SPINT4: variants seen among roughly 807,000 people sequenced by gnomAD.
The protein encoded by SPINT4 is kunitz-type protease inhibitor 4.
Under a neutral mutation model 9.4 loss-of-function variants are expected in SPINT4, and 7 were observed. The observed-to-expected ratio is 0.74, with a 90% CI of 0.42 to 1.40. SPINT4 has a LOEUF of 1.40. Among genes scored for constraint, SPINT4 ranks in the 40% most tolerant of loss-of-function variants. SPINT4 has a pLI of 0.01. For synonymous variants in SPINT4, 36 were observed against 39.9 expected (o/e 0.90, Z 0.37); for missense variants, 105 against 114.4 (o/e 0.92, Z 0.37).
At chr20:45,724,357 G>A (rs1037475711) in intron 2 of SPINT4, among the ~76,000 whole-genome samples, 85 of 151,478 alleles carry the variant, frequency 5.6e-4, no homozygotes, top group Admixed American at 1.4e-3. Flanking sequence ...GCATAGTGTC[G>A]CATGCCTGTA....
In SPINT4 at chr20:45,722,426, C is replaced by G. The variant is rs537909021; in HGVS notation, c.59C>G (p.Thr20Ser). 1 of 1,613,752 alleles carries G rather than the reference C, an allele frequency of 6.2e-7. No homozygotes were observed. Among genetic ancestry groups the G allele is most frequent in the African/African-American group, 1.3e-5 (1 of 75,020 alleles). Residue 20 changes from threonine to serine, a missense_variant, in exon 1 of 3, where the codon ACC becomes AGC. By Grantham distance (58) the Thr-to-Ser change is moderately conservative. Transcript: ENST00000279058. ...TTCTTCATCTTCTGCTCATTGAATA[C>G]CCTGTTATTGGGTGGTGTTAATAAA... ...LRFFIFCSLN[T>S]LLLGGVNKIA...
chr20:45,722,652 G>A (rs918928030), intron 1 of SPINT4, among the ~76,000 whole-genome samples, 170 bp downstream of exon 1: 3 of 151,992 alleles, frequency 2.0e-5, no homozygotes, highest in African/African-American at 7.2e-5. Flanking sequence ...GGGGTCCTCT[G>A]GATGTTTGAT....
At chr20:45,723,825 TCTC>T in intron 1 of SPINT4, 52 bp from the exon 2 acceptor site, 2 of 1,434,974 alleles carry the variant, frequency 1.4e-6, no homozygotes, top group Non-Finnish European at 1.9e-6. Flanking sequence ...AAAGACAAGT[TCTC>T]CTGCTGAGTC....
intron 1 of SPINT4, among the ~76,000 whole-genome samples, 157 bp downstream of exon 1, chr20:45,722,639 C>G (rs752250952): frequency 8.6e-5 from 13 of 152,042 alleles, no homozygotes; most frequent in Non-Finnish European, 1.5e-4. Flanking sequence ...ATTACTTACA[C>G]TAGGGGTCCT....
chr20:45,724,995 A>AAAAAAAAAAAAT (rs1387842262), intron 2 of SPINT4, among the ~76,000 whole-genome samples: 2 of 36,430 alleles, frequency 5.5e-5, no homozygotes, highest in Non-Finnish European at 4.3e-5. Context: ...AAAAAAAAAA[A>AAAAAAAAAAAAT]ATATATATAT....
chr20:45,722,922 G>A (rs1261550164), intron 1 of SPINT4, among the ~76,000 whole-genome samples: 1 of 152,112 alleles, frequency 6.6e-6, no homozygotes, highest in African/African-American at 2.4e-5. Flanking sequence ...CAATGTAAAT[G>A]TGAGAGGCAA....
At chr20:45,724,243 C>T (rs528996346) in intron 2 of SPINT4, among the ~76,000 whole-genome samples, 186 bp downstream of exon 2, 6 of 151,928 alleles carry the variant, frequency 3.9e-5, no homozygotes, top group Non-Finnish European at 5.9e-5. Flanking sequence ...AACCCCAGCA[C>T]TTTGGGAGGC....
intron 2 of SPINT4, among the ~76,000 whole-genome samples, chr20:45,724,551 G>A (rs916600886): frequency 1.3e-5 from 2 of 149,504 alleles, no homozygotes; most frequent in African/African-American, 2.5e-5. Flanking sequence ...TGGGTGGGCT[G>A]TCAGGATCAT....
chr20:45,724,146 A>C, intron 2 of SPINT4, 89 bp downstream of exon 2: 1 of 1,380,374 alleles, frequency 7.2e-7, no homozygotes, highest in Non-Finnish European at 9.9e-7. Flanking sequence ...ATCAGGGGCT[A>C]ACCTTGCTTG....
At chr20:45,724,979 C>CAAAAAAAAAAAAAAAAAAAAAAAA (rs1168670011) in intron 2 of SPINT4, among the ~76,000 whole-genome samples, 1 of 27,190 alleles carries the variant, frequency 3.7e-5, no homozygotes, top group African/African-American at 2.9e-4. Flanking sequence ...GACTCCATCT[C>CAAAAAAAAAAAAAAAAAAAAAAAA]AAAAAAAAAA....
intron 1 of SPINT4, 86 bp from the exon 2 acceptor site, chr20:45,723,794 T>C (rs1272837138): frequency 4.5e-6 from 5 of 1,120,336 alleles, no homozygotes; most frequent in Non-Finnish European, 6.3e-6. Flanking sequence ...AGGCTAAACG[T>C]AGGAATTTTT....
In SPINT4 at chr20:45,722,392, CT is replaced by C. The variant is rs772495983; in HGVS notation, c.27del (p.Leu10Ter). The C allele has an allele frequency of 6.2e-7, 1 of 1,613,338 alleles. No homozygotes were observed. Among genetic ancestry groups the C allele is most frequent in the Admixed American group, 1.7e-5 (1 of 60,016 alleles). MKSAKLGF[L>X]LRFFIFCSLN... ...CATGAAGTCTGCCAAGCTGGGATTT[CT>C]TCTAAGATTCTTCATCTTCTGCTCA... On this transcript the variant is annotated frameshift_variant, in exon 1 of 3. Transcript: ENST00000279058. LOFTEE classifies it high-confidence loss of function.
chr20:45,722,439 T>C lies in SPINT4; in HGVS notation c.72T>C (p.Gly24=), dbSNP rs139196064. The change falls in exon 1 of 3, where the codon GGT becomes GGC. Residue 24 remains glycine (G), a synonymous_variant. Coordinates refer to ENST00000279058, the MANE Select transcript of SPINT4 (RefSeq NM_178455.3). ...IFCSLNTLLL[G]GVNKIAEKIC... ...GCTCATTGAATACCCTGTTATTGGG[T>C]GGTGTTAATAAAATTGCGGAGAAGA... 114 of 1,613,662 alleles carry C rather than the reference T, an allele frequency of 7.1e-5. No individual in the cohort carries two copies. In the African/African-American group the frequency reaches 1.3e-3, roughly 18 times the overall value.
rs545411203 is a variant in SPINT4 at position 45,724,409 on chromosome 20, A to G, written c.293+352A>G. Among the ~76,000 whole-genome samples, 4 of 150,974 alleles carry G rather than the reference A, an allele frequency of 2.6e-5. No individual in the cohort carries two copies. In the South Asian group the frequency reaches 8.4e-4, roughly 32 times the overall value. ...AGGCTGAGGCAGGAGAATCACTTGA[A>G]CCCGGGAGGGTTCAAGAAGTTCAGA... On this transcript the variant is annotated intron_variant, in intron 2 of 2. Coordinates refer to ENST00000279058, the MANE Select transcript of SPINT4 (RefSeq NM_178455.3).
Position 45,723,865 on chromosome 20 carries a change from G to A in SPINT4, c.116-15G>A. 1 of 1,550,168 alleles carries A rather than the reference G, an allele frequency of 6.5e-7. No homozygotes were observed. The highest frequency in any genetic ancestry group is 8.6e-7 in the Non-Finnish European group (1 of 1,156,286). On this transcript the variant is annotated splice_polypyrimidine_tract_variant and intron_variant, in intron 1 of 2. Coordinates refer to ENST00000279058, the MANE Select transcript of SPINT4 (RefSeq NM_178455.3). ...TTACCAATTCCCACTAACTCAATGG[G>A]AACCTCTCATGCAGATCCCTGCAAA...
In SPINT4 at chr20:45,725,775, T is replaced by G. The variant is rs1206123955; in HGVS notation, c.*140T>G. 30 of 1,106,764 alleles carry G rather than the reference T, an allele frequency of 2.7e-5. No individual in the cohort carries two copies. Among genetic ancestry groups the G allele is most frequent in the Non-Finnish European group, 6.8e-6 (5 of 738,878 alleles). 68.6% of individuals were successfully genotyped at this position (1,106,764 alleles called of 1,614,324 possible). A position where few individuals can be genotyped will look rare whatever the true frequency, so the allele number is the denominator to read the frequency against. ...GTTTGCTATTTTCCTGACCCTAGTT[T>G]TGTCTTTCCTGGAAATTAACTGTAT... On this transcript the variant is annotated 3_prime_UTR_variant, in exon 3 of 3. Transcript: ENST00000279058.
rs561490044 is a variant in SPINT4, at chr20:45,725,783, C to A, written c.*148C>A. On this transcript the variant is annotated 3_prime_UTR_variant, in exon 3 of 3. Coordinates refer to ENST00000279058, the MANE Select transcript of SPINT4 (RefSeq NM_178455.3). Reference sequence around the variant, plus strand: ...TTTTCCTGACCCTAGTTTTGTCTTTCCTGGAAATTAACTGTATGATCATTA... The same window carrying A: ...TTTTCCTGACCCTAGTTTTGTCTTTACTGGAAATTAACTGTATGATCATTA... 5.3e-5 allele frequency: 53 copies of A among 1,006,206 alleles called. No individual in the cohort carries two copies. The Middle Eastern group carries it at 1.4e-3, about 26-fold the overall frequency. 62.3% of individuals were successfully genotyped at this position (1,006,206 alleles called of 1,614,324 possible). A position where few individuals can be genotyped will look rare whatever the true frequency, so the allele number is the denominator to read the frequency against.
rs751973329 is a variant in SPINT4, at chr20:45,725,666, C to A, written c.*31C>A. 170 of 1,612,754 alleles carry A rather than the reference C, an allele frequency of 1.1e-4. 4 individuals carry two copies. The highest frequency in any genetic ancestry group is 1.4e-4 in the Non-Finnish European group (166 of 1,178,944). On this transcript the variant is annotated 3_prime_UTR_variant, in exon 3 of 3. Transcript: ENST00000279058. ...TGTGAACTCATGAAGTTGTCTGCTG[C>A]ACCATCCGAAATAAAGACACAAGAA...
rs1167463316 is a variant in SPINT4 at position 45,722,419 on chromosome 20, T to C, written c.52T>C (p.Leu18=). ...FLLRFFIFCS[L]NTLLLGGVNK... ...TCTAAGATTCTTCATCTTCTGCTCA[T>C]TGAATACCCTGTTATTGGGTGGTGT... is the stretch of plus-strand genomic sequence containing the variant. The change falls in exon 1 of 3, where the codon TTG becomes CTG. Residue 18 remains leucine (L), a synonymous_variant. Transcript: ENST00000279058. 5 of 1,613,864 alleles carry C rather than the reference T, an allele frequency of 3.1e-6. No homozygotes were observed. Among genetic ancestry groups the C allele is most frequent in the Admixed American group, 1.7e-5 (1 of 60,020 alleles).
Sources: gnomAD v4.1 joint callset for allele counts (sites outside exome capture counted in the v4.1 genomes callset) on GRCh38, gnomAD v4.1.1 for gene constraint, MANE v1.5 for transcripts, NCBI Gene and HGNC (gene_info 2026-07-23, HGNC 2026-07-21) for gene names.